Variants in DNAAF4 observed in about 807,000 individuals in gnomAD.
DNAAF4 encodes the protein dynein assembly factor 4, axonemal.
A neutral mutation model predicts 51.8 loss-of-function variants in DNAAF4; 43 were observed. That is an observed-to-expected ratio of 0.83 (90% CI 0.65 to 1.07). DNAAF4 has a LOEUF of 1.07. Ranked by LOEUF, DNAAF4 falls within the 50% of genes least tolerant of loss-of-function variation. The probability of loss-of-function intolerance (pLI) is 0.00; values close to 1 mark genes in which losing one functional copy is unlikely to be tolerated. For missense variants in DNAAF4, 581 were observed against 493.0 expected (o/e 1.18, Z -1.69); for synonymous variants, 194 against 165.6 (o/e 1.17, Z -1.32).
chr15:55,428,329 G>C (rs550005235), downstream of DNAAF4, among the ~76,000 whole-genome samples: 6 of 152,142 alleles, frequency 3.9e-5, no homozygotes, highest in South Asian at 1.2e-3. Flanking sequence ...GAAGGAGGTC[G>C]GCTTTGGGAA....
chr15:55,480,973 G>T (rs1403865963), intron 4 of DNAAF4, among the ~76,000 whole-genome samples: 1 of 152,114 alleles, frequency 6.6e-6, no homozygotes, highest in African/African-American at 2.4e-5. Context: ...GATAATGAGT[G>T]AGTCTCACAA....
rs1227592091 is a variant in DNAAF4, at chr15:55,479,414, A to G, written c.405+11709T>C. Among the ~76,000 whole-genome samples the G allele has an allele frequency of 2.6e-5, 4 of 152,222 alleles. No individual in the cohort carries two copies. In the East Asian group the frequency reaches 7.7e-4, roughly 29 times the overall value. ...ATCTCTTAATCCTGTTATCTTCGTAAGCTGAGGATGTATGTCACCTCAGGA... is the reference window on the plus strand; with the variant it reads ...ATCTCTTAATCCTGTTATCTTCGTAGGCTGAGGATGTATGTCACCTCAGGA... On this transcript the variant is annotated intron_variant, in intron 4 of 9. Transcript: ENST00000321149.
intron 6 of DNAAF4, among the ~76,000 whole-genome samples, chr15:55,444,194 T>G (rs1426911526): frequency 6.6e-6 from 1 of 152,248 alleles, no homozygotes. Context: ...ATTTAAGTCT[T>G]TCATCCATCT....
chr15:55,477,627 T>C (rs932241252), intron 4 of DNAAF4, among the ~76,000 whole-genome samples: 3 of 149,958 alleles, frequency 2.0e-5, no homozygotes, highest in African/African-American at 7.4e-5. Context: ...TAAAAATATA[T>C]GTAAGTATGT....
At chr15:55,490,170 G>A (rs555446914) in intron 4 of DNAAF4, among the ~76,000 whole-genome samples, 3 of 152,048 alleles carry the variant, frequency 2.0e-5, no homozygotes, top group Admixed American at 6.6e-5. Context: ...ACTGCGCTTG[G>A]CCTGAGATAA....
Position 55,467,003 on chromosome 15 carries a change from A to C in DNAAF4, c.564T>G (p.Ile188Met), listed in dbSNP as rs1342657178. 1 of 1,578,002 alleles carries C rather than the reference A, an allele frequency of 6.3e-7. No individual in the cohort carries two copies. Among genetic ancestry groups the C allele is most frequent in the East Asian group, 2.3e-5 (1 of 43,812 alleles). The change falls in exon 5 of 10, where the codon ATT becomes ATG. Residue 188 changes from isoleucine to methionine, a missense_variant. Physicochemically the swap from Ile to Met is conservative, Grantham distance 10. Coordinates refer to ENST00000321149, the MANE Select transcript of DNAAF4 (RefSeq NM_130810.4). The part of the protein sequence containing the change: ...EEKLCQKEKQ[I>M]KEERKKIKYK... Reference sequence around the variant, plus strand: ...ATTTTATTTTTTTTCTTTCTTCTTTAATTTGCTTTTCTTTTTGACATAATT... The same window carrying C: ...ATTTTATTTTTTTTCTTTCTTCTTTCATTTGCTTTTCTTTTTGACATAATT...
intron 7 of DNAAF4, among the ~76,000 whole-genome samples, chr15:55,423,781 T>C (rs897709750): frequency 3.3e-5 from 5 of 152,032 alleles, no homozygotes; most frequent in African/African-American, 1.2e-4. Flanking sequence ...GGTGAAATGC[T>C]GTCTCTATTA....
chr15:55,502,951 C>T (rs2058707245), intron 1 of DNAAF4, among the ~76,000 whole-genome samples: 1 of 151,820 alleles, frequency 6.6e-6, no homozygotes, highest in South Asian at 2.1e-4. Context: ...GATAGAGACA[C>T]AAAAAACCAT....
rs1264205352 is a variant in DNAAF4 at position 55,491,741 on chromosome 15, A to T, written c.272-485T>A. ...TATAATAGTATATAATATAATATAT[A>T]ATATTATATTATAATAGTATATAAT... On this transcript the variant is annotated intron_variant, in intron 3 of 9. Coordinates refer to ENST00000321149, the MANE Select transcript of DNAAF4 (RefSeq NM_130810.4). Among the ~76,000 whole-genome samples the T allele has an allele frequency of 3.7e-5, 5 of 134,434 alleles. No homozygotes were observed. In the South Asian group the frequency reaches 8.5e-4, roughly 23 times the overall value. The allele number at this position is 134,434 out of a possible 152,430, so 88.2% of individuals were successfully genotyped here.
chr15:55,484,654 T>G (rs143219108), intron 4 of DNAAF4, among the ~76,000 whole-genome samples: 304 of 152,246 alleles, frequency 2.0e-3, no homozygotes, highest in African/African-American at 6.8e-3. Context: ...TAGATAGATA[T>G]ATATAAAGGG....
At chr15:55,452,623 T>C (rs1481208203) in intron 5 of DNAAF4, among the ~76,000 whole-genome samples, 1 of 152,198 alleles carries the variant, frequency 6.6e-6, no homozygotes, top group African/African-American at 2.4e-5. Flanking sequence ...ACTACAAAGT[T>C]TTACATGCAA....
At chr15:55,462,882 C>T (rs1425975130) in intron 5 of DNAAF4, among the ~76,000 whole-genome samples, 1 of 152,066 alleles carries the variant, frequency 6.6e-6, no homozygotes, top group African/African-American at 2.4e-5. Flanking sequence ...GCAGAAAAAG[C>T]ATTTGAGGCC....
At chr15:55,483,119 C>T (rs1019392184) in intron 4 of DNAAF4, among the ~76,000 whole-genome samples, 1 of 151,862 alleles carries the variant, frequency 6.6e-6, no homozygotes, top group Admixed American at 6.6e-5. Flanking sequence ...TATTTTGAGA[C>T]AGAGTTTTGC....
rs892405990 is a variant in DNAAF4, at chr15:55,498,400, G to C, written c.-71C>G. ...CCTGCTTGGTTGCTAGGGAAGCTGG[G>C]GTTACCATGCGCCAGCCCTTCCGGG... is the stretch of plus-strand genomic sequence containing the variant. On this transcript the variant is annotated 5_prime_UTR_variant, in exon 2 of 10. Transcript: ENST00000321149. The C allele has an allele frequency of 2.6e-6, 4 of 1,557,146 alleles. No homozygotes were observed. The East Asian group carries it at 9.2e-5, about 36-fold the overall frequency.
At chr15:55,445,103 G>T (rs1183186272) in intron 6 of DNAAF4, among the ~76,000 whole-genome samples, 2 of 148,466 alleles carry the variant, frequency 1.3e-5, no homozygotes, top group Non-Finnish European at 3.0e-5. Flanking sequence ...GGATGTGGCA[G>T]GGTCATAGGA....
At chr15:55,426,841 G>A (rs2057434866), downstream of DNAAF4, among the ~76,000 whole-genome samples, 2 of 152,176 alleles carry the variant, frequency 1.3e-5, no homozygotes, top group Admixed American at 6.5e-5. Flanking sequence ...CTCTTGCAAG[G>A]AAAGTGATCT....
intron 4 of DNAAF4, among the ~76,000 whole-genome samples, chr15:55,469,474 C>CTTCT (rs2058219210): frequency 1.5e-5 from 1 of 66,254 alleles, no homozygotes; most frequent in Non-Finnish European, 2.5e-5. Flanking sequence ...CTTACCAATT[C>CTTCT]TTTTTTTTTT....
At chr15:55,445,348 G>A (rs540496690) in intron 6 of DNAAF4, among the ~76,000 whole-genome samples, 8 of 152,052 alleles carry the variant, frequency 5.3e-5, no homozygotes, top group South Asian at 2.1e-4. Flanking sequence ...CAGAGTGCAC[G>A]GGGTTGGGGG....
chr15:55,473,221 A>ATGTG lies in DNAAF4; in HGVS notation c.406-6064_406-6061dup, dbSNP rs1269364939. ...AAAATATATATATATATATATATAT[A>ATGTG]TGTGTGTGTGTATATATATATATGT... On this transcript the variant is annotated intron_variant, in intron 4 of 9. Coordinates refer to ENST00000321149, the MANE Select transcript of DNAAF4 (RefSeq NM_130810.4). Among the ~76,000 whole-genome samples the ATGTG allele has an allele frequency of 9.6e-4, 93 of 97,168 alleles. 3 individuals are homozygous for ATGTG. Among genetic ancestry groups the ATGTG allele is most frequent in the Middle Eastern group, 6.8e-3 (1 of 148 alleles). The allele number at this position is 97,168 out of a possible 152,430, so 63.7% of individuals were successfully genotyped here. A position where few individuals can be genotyped will look rare whatever the true frequency, so the allele number is the denominator to read the frequency against.
Sources: gnomAD v4.1 joint callset for allele counts (sites outside exome capture counted in the v4.1 genomes callset) on GRCh38, gnomAD v4.1.1 for gene constraint, MANE v1.5 for transcripts, NCBI Gene and HGNC (gene_info 2026-07-23, HGNC 2026-07-21) for gene names.